The following CNTNAP2 variants were observed in gnomAD, a reference collection of about 807,000 sequenced individuals.
The protein encoded by CNTNAP2 is contactin associated protein 2, also known as contactin-associated protein-like 2.
In CNTNAP2, 98 loss-of-function variants were observed where a neutral mutation model predicts 155.2. The observed-to-expected ratio is 0.63, with a 90% CI of 0.54 to 0.75. The LOEUF is 0.75. CNTNAP2 is among the 30% of genes least tolerant of loss of function. The pLI, the probability that CNTNAP2 is intolerant of heterozygous loss-of-function variation, is 0.00. For synonymous variants in CNTNAP2, 651 were observed against 631.2 expected, an observed-to-expected ratio of 1.03 and a Z score of -0.47; for missense variants, 1,727 against 1,688.1, an observed-to-expected ratio of 1.02 and a Z score of -0.40.
intron 8 of CNTNAP2, among the ~76,000 whole-genome samples, chr7:147,280,238 C>T (rs999713054): frequency 3.3e-5 from 5 of 151,928 alleles, no homozygotes; most frequent in Admixed American, 6.6e-5. Flanking sequence ...CCTTTGAGAA[C>T]GGGCTGGGAA....
chr7:147,115,839 T>C (rs1437340283), intron 5 of CNTNAP2, among the ~76,000 whole-genome samples: 1 of 152,152 alleles, frequency 6.6e-6, no homozygotes, highest in Non-Finnish European at 1.5e-5. Context: ...CTTAGCCCAG[T>C]TCTGAGCGCT....
chr7:148,158,222 C>CTTGTTTTTTTT (rs1805441410), intron 17 of CNTNAP2, among the ~76,000 whole-genome samples: 2 of 94,800 alleles, frequency 2.1e-5, no homozygotes, highest in African/African-American at 9.9e-5. Flanking sequence ...AATGTTTGCG[C>CTTGTTTTTTTT]TTTTTTTTTT....
chr7:147,096,337 T>G (rs866444778), intron 4 of CNTNAP2, among the ~76,000 whole-genome samples: 3 of 152,178 alleles, frequency 2.0e-5, no homozygotes, highest in Non-Finnish European at 4.4e-5. Flanking sequence ...TCCTTGAAAA[T>G]GTATTGTTTG....
intron 1 of CNTNAP2, among the ~76,000 whole-genome samples, chr7:146,669,662 G>T (rs1485920048): frequency 3.9e-5 from 6 of 152,270 alleles, no homozygotes; most frequent in Admixed American, 3.9e-4. Flanking sequence ...GAGCAGCAGT[G>T]CTATATGGAT....
intron 3 of CNTNAP2, among the ~76,000 whole-genome samples, chr7:146,958,407 GTTTTTTTTTTT>G (rs71165054): frequency 1.3e-5 from 1 of 78,054 alleles, no homozygotes; most frequent in Non-Finnish European, 2.3e-5. Context: ...CATTTTTATG[GTTTTTTTTTTT>G]TTTTTTTTTT....
At chr7:147,301,162 A>G (rs1794939343) in intron 9 of CNTNAP2, among the ~76,000 whole-genome samples, 1 of 152,198 alleles carries the variant, frequency 6.6e-6, no homozygotes, top group African/African-American at 2.4e-5. Context: ...ACCTTACAGA[A>G]GAAGACATGT....
rs1003982466 is a variant in CNTNAP2, at chr7:148,419,266, A to G, written c.*3650A>G. 2 of 152,114 alleles carry G rather than the reference A, an allele frequency of 1.3e-5. No individual in the cohort carries two copies. Among genetic ancestry groups the G allele is most frequent in the Non-Finnish European group, 1.5e-5 (1 of 68,038 alleles). 9.4% of individuals were successfully genotyped at this position (152,114 alleles called of 1,614,324 possible). A position where few individuals can be genotyped will look rare whatever the true frequency, so the allele number is the denominator to read the frequency against. Reference sequence around the variant, plus strand: ...CAATTTTCCCAAAAAAAGGGCAGCAATTATTAAATTGAATTCAAGTAAGCC... The same window carrying G: ...CAATTTTCCCAAAAAAAGGGCAGCAGTTATTAAATTGAATTCAAGTAAGCC... On this transcript the variant is annotated 3_prime_UTR_variant, in exon 24 of 24. Transcript: ENST00000361727.
At chr7:147,113,874 C>T (rs921482420) in intron 5 of CNTNAP2, among the ~76,000 whole-genome samples, 1 of 152,014 alleles carries the variant, frequency 6.6e-6, no homozygotes, top group Admixed American at 6.6e-5. Context: ...TTTGTTTGCT[C>T]TTGGTTCTCT....
intron 3 of CNTNAP2, among the ~76,000 whole-genome samples, chr7:147,040,270 A>G (rs1285232108): frequency 6.6e-6 from 1 of 152,166 alleles, no homozygotes; most frequent in Non-Finnish European, 1.5e-5. Context: ...AATATCTGCT[A>G]CATAGAAGAC....
At chr7:147,911,066 T>C (rs968306361) in intron 14 of CNTNAP2, among the ~76,000 whole-genome samples, 1 of 152,152 alleles carries the variant, frequency 6.6e-6, no homozygotes, top group African/African-American at 2.4e-5. Context: ...TCCAGAGCCG[T>C]TTTTATCTAG....
intron 13 of CNTNAP2, among the ~76,000 whole-genome samples, chr7:147,814,076 C>T (rs1435402401): frequency 6.6e-6 from 1 of 151,950 alleles, no homozygotes; most frequent in African/African-American, 2.4e-5. Flanking sequence ...TTTGCCTTTC[C>T]AAAAGGGATT....
chr7:146,244,826 C>T (rs1799618993), intron 1 of CNTNAP2, among the ~76,000 whole-genome samples: 1 of 152,076 alleles, frequency 6.6e-6, no homozygotes, highest in African/African-American at 2.4e-5. Flanking sequence ...TCTACCTATC[C>T]AGTGAAAGTG....
intron 1 of CNTNAP2, among the ~76,000 whole-genome samples, chr7:146,764,871 C>A (rs1485995291): frequency 6.6e-6 from 1 of 151,946 alleles, no homozygotes; most frequent in Non-Finnish European, 1.5e-5. Flanking sequence ...TGAATTTATT[C>A]ATTGCCATAA....
chr7:147,923,883 T>G (rs1800331723), intron 14 of CNTNAP2, among the ~76,000 whole-genome samples: 1 of 152,144 alleles, frequency 6.6e-6, no homozygotes, highest in South Asian at 2.1e-4. Flanking sequence ...ATTTCAGACT[T>G]CTAGCCTCCA....
intron 12 of CNTNAP2, among the ~76,000 whole-genome samples, chr7:147,588,657 T>A (rs1261483281): frequency 6.6e-6 from 1 of 152,142 alleles, no homozygotes; most frequent in Non-Finnish European, 1.5e-5. Context: ...TTCCTTCACA[T>A]CATAGTGCCA....
At chr7:147,054,327 AC>A (rs1241554618) in intron 4 of CNTNAP2, among the ~76,000 whole-genome samples, 2 of 152,232 alleles carry the variant, frequency 1.3e-5, no homozygotes, top group African/African-American at 4.8e-5. Flanking sequence ...TCATTGGAGA[AC>A]AGCTTGCAAA....
intron 8 of CNTNAP2, among the ~76,000 whole-genome samples, chr7:147,164,353 C>A (rs914864316): frequency 6.6e-6 from 1 of 152,144 alleles, no homozygotes; most frequent in African/African-American, 2.4e-5. Context: ...ATGCATAAAC[C>A]AAGTAGTTAG....
chr7:146,704,378 C>G (rs934157650), intron 1 of CNTNAP2, among the ~76,000 whole-genome samples: 1 of 152,104 alleles, frequency 6.6e-6, no homozygotes, highest in Non-Finnish European at 1.5e-5. Context: ...GAAGCCAGAA[C>G]AGACAAAATA....
intron 13 of CNTNAP2, among the ~76,000 whole-genome samples, chr7:147,790,431 T>G (rs374245993): frequency 3.9e-5 from 6 of 152,206 alleles, no homozygotes; most frequent in African/African-American, 9.6e-5. Flanking sequence ...AGTGATACAC[T>G]TCTTCCTATA....
Sources: gnomAD v4.1 joint callset for allele counts (sites outside exome capture counted in the v4.1 genomes callset) on GRCh38, gnomAD v4.1.1 for gene constraint, MANE v1.5 for transcripts, NCBI Gene and HGNC (gene_info 2026-07-23, HGNC 2026-07-21) for gene names.